GPM6A: variants seen among roughly 807,000 people sequenced by gnomAD.
GPM6A encodes neuronal membrane glycoprotein M6-a.
A neutral mutation model predicts 32.1 loss-of-function variants in GPM6A; 7 were observed. The observed-to-expected ratio is 0.22, with a 90% CI of 0.12 to 0.41. The LOEUF (loss-of-function observed/expected upper bound fraction) is 0.41. Among genes scored for constraint, GPM6A ranks in the 10% least tolerant of loss-of-function variants. The pLI is 1.00. For synonymous variants in GPM6A, 130 were observed against 123.4 expected (o/e 1.05, Z -0.35); for missense variants, 235 against 347.2 (o/e 0.68, Z 2.57).
chr4:175,792,274 A>C (rs1330666287), intron 1 of GPM6A, among the ~76,000 whole-genome samples: 1 of 152,198 alleles, frequency 6.6e-6, no homozygotes, highest in Non-Finnish European at 1.5e-5. Context: ...TGCCAATAAA[A>C]AGTTAAGTCA....
chr4:175,676,617 A>G (rs1197903624), intron 2 of GPM6A, among the ~76,000 whole-genome samples: 1 of 152,150 alleles, frequency 6.6e-6, no homozygotes. Flanking sequence ...TTGCTGGCAG[A>G]AGGCTGTAGT....
At chr4:175,759,349 A>G (rs540522956) in intron 1 of GPM6A, among the ~76,000 whole-genome samples, 1 of 152,322 alleles carries the variant, frequency 6.6e-6, no homozygotes, top group East Asian at 1.9e-4. Flanking sequence ...TAATTCTTCA[A>G]GACAACTTAG....
chr4:175,950,816 A>G (rs1268974716), intron 1 of GPM6A, among the ~76,000 whole-genome samples: 2 of 152,236 alleles, frequency 1.3e-5, no homozygotes, highest in Non-Finnish European at 2.9e-5. Flanking sequence ...TAATAGCAAG[A>G]ATTCTATTAT....
chr4:175,831,548 G>A (rs1735610238), intron 1 of GPM6A, among the ~76,000 whole-genome samples: 1 of 151,942 alleles, frequency 6.6e-6, no homozygotes. Flanking sequence ...ATCTTTTTCT[G>A]TTTTGCAAAA....
At chr4:175,962,174 G>A in intron 1 of GPM6A, 2 of 1,012,058 alleles carry the variant, frequency 2.0e-6, no homozygotes, top group Non-Finnish European at 1.6e-6. Flanking sequence ...AGGTGATCGA[G>A]CACCTGCTTT....
At chr4:175,711,022 C>T (rs1745498953) in intron 1 of GPM6A, among the ~76,000 whole-genome samples, 1 of 152,110 alleles carries the variant, frequency 6.6e-6, no homozygotes, top group Admixed American at 6.6e-5. Context: ...TGCTTAGCTC[C>T]CTGAACTTCT....
At chr4:175,875,624 TGCTGGTTACTGGTAAAACCA>T (rs1737058684) in intron 1 of GPM6A, among the ~76,000 whole-genome samples, 1 of 152,194 alleles carries the variant, frequency 6.6e-6, no homozygotes, top group South Asian at 2.1e-4. Context: ...ACAGTCGAGA[TGCTGGTTACTGGTAAAACCA>T]CTGAGCATCT....
At chr4:175,879,376 G>A (rs919052931) in intron 1 of GPM6A, among the ~76,000 whole-genome samples, 1 of 152,130 alleles carries the variant, frequency 6.6e-6, no homozygotes, top group Non-Finnish European at 1.5e-5. Flanking sequence ...GCCCAAGACT[G>A]TGTAATTTAT....
At chr4:175,746,383 G>T (rs533569611) in intron 1 of GPM6A, among the ~76,000 whole-genome samples, 205 of 152,236 alleles carry the variant, frequency 1.3e-3, no homozygotes, top group African/African-American at 4.4e-3. Flanking sequence ...CACATCTTGG[G>T]TTGCCAATAC....
rs2111376753 is a variant in GPM6A, at chr4:175,836,372, G to A, written c.-22-24123C>T. Among the ~76,000 whole-genome samples, 2 of 152,102 alleles carry A rather than the reference G, an allele frequency of 1.3e-5. 1 individual carries two copies. The highest frequency in any genetic ancestry group is 4.2e-4 in the South Asian group (2 of 4,812). On this transcript the variant is annotated intron_variant, in intron 1 of 7. Coordinates refer to the GPM6A transcript ENST00000280187. ...ATGTCAGAAATTTTTTTTAGGTGAT[G>A]GAGAGCAAAGAGTAAACTAAAGGGA...
rs960723511 is a variant in GPM6A at position 175,838,763 on chromosome 4, C to T, written c.-22-26514G>A. On this transcript the variant is annotated intron_variant, in intron 1 of 7. Coordinates refer to the GPM6A transcript ENST00000280187. ...TTTACCTCCTGATTCAGGCGATTCT[C>T]GTGCCTCAGCCTCCCAAGTACCTGG... Among the ~76,000 whole-genome samples the T allele has an allele frequency of 2.7e-5, 4 of 148,994 alleles. No individual in the cohort carries two copies. In the Admixed American group the frequency reaches 2.7e-4, roughly 10 times the overall value.
intron 1 of GPM6A, among the ~76,000 whole-genome samples, chr4:175,771,988 C>T (rs1733210054): frequency 6.6e-6 from 1 of 152,188 alleles, no homozygotes; most frequent in African/African-American, 2.4e-5. Flanking sequence ...AGACTTATTT[C>T]TGACCCTTGG....
intron 1 of GPM6A, among the ~76,000 whole-genome samples, chr4:175,778,627 C>CAAAAAAAAAAAA (rs34286041): frequency 3.1e-3 from 231 of 75,190 alleles, no homozygotes; most frequent in South Asian, 3.9e-3. Context: ...CTGTATCCAA[C>CAAAAAAAAAAAA]AAAAAAAAAA....
intron 1 of GPM6A, among the ~76,000 whole-genome samples, chr4:175,979,098 T>C (rs1740747520): frequency 6.6e-6 from 1 of 152,144 alleles, no homozygotes; most frequent in African/African-American, 2.4e-5. Flanking sequence ...AAATATCTGG[T>C]CAGAATAGAA....
intron 1 of GPM6A, among the ~76,000 whole-genome samples, chr4:175,762,287 G>T (rs1042411841): frequency 6.6e-6 from 1 of 152,130 alleles, no homozygotes; most frequent in Admixed American, 6.6e-5. Context: ...AAGAAATTCA[G>T]CCAAGAACAT....
At chr4:175,935,256 T>C (rs1739181534) in intron 1 of GPM6A, among the ~76,000 whole-genome samples, 1 of 152,172 alleles carries the variant, frequency 6.6e-6, no homozygotes, top group African/African-American at 2.4e-5. Context: ...CCTTCCCACC[T>C]CTCTACCTCT....
chr4:175,890,432 A>G (rs550245869), intron 1 of GPM6A, among the ~76,000 whole-genome samples: 2 of 152,316 alleles, frequency 1.3e-5, no homozygotes, highest in Non-Finnish European at 2.9e-5. Flanking sequence ...GGCTTTTTGT[A>G]TAATGGAAAA....
intron 1 of GPM6A, among the ~76,000 whole-genome samples, chr4:175,705,805 TGGA>T (rs1228070889): frequency 1.3e-5 from 2 of 152,164 alleles, no homozygotes; most frequent in Non-Finnish European, 2.9e-5. Flanking sequence ...GTGCTGGTGC[TGGA>T]GAAGATATTT....
chr4:175,797,838 G>A (rs1439612369), intron 1 of GPM6A, among the ~76,000 whole-genome samples: 1 of 151,788 alleles, frequency 6.6e-6, no homozygotes, highest in Non-Finnish European at 1.5e-5. Context: ...TCAAATTTTG[G>A]GATTTCAAAT....
Sources: gnomAD v4.1 joint callset for allele counts (sites outside exome capture counted in the v4.1 genomes callset) on GRCh38, gnomAD v4.1.1 for gene constraint, MANE v1.5 for transcripts, NCBI Gene and HGNC (gene_info 2026-07-23, HGNC 2026-07-21) for gene names.